PCDH9: variants seen among roughly 807,000 people sequenced by gnomAD.
PCDH9 encodes protocadherin 9.
Under a neutral mutation model 70.6 loss-of-function variants are expected in PCDH9, and 24 were observed. The observed-to-expected ratio is 0.34, with a 90% CI of 0.25 to 0.48. The LOEUF (loss-of-function observed/expected upper bound fraction) is 0.48, where lower values mean the gene tolerates loss of function less well. Among genes scored for constraint, PCDH9 ranks in the 20% least tolerant of loss-of-function variants. The probability of loss-of-function intolerance (pLI) is 0.99; values close to 1 mark genes in which losing one functional copy is unlikely to be tolerated. For synonymous variants in PCDH9, 562 were observed against 558.5 expected, an observed-to-expected ratio of 1.01 and a Z score of -0.09; for missense variants, 1,281 against 1,503.6, an observed-to-expected ratio of 0.85 and a Z score of 2.45.
intron 3 of PCDH9, among the ~76,000 whole-genome samples, chr13:66,728,977 A>C (rs2139169831): frequency 6.6e-6 from 1 of 151,954 alleles, no homozygotes; most frequent in Non-Finnish European, 1.5e-5. Context: ...TAATCACTTA[A>C]TTTTCATAAA....
At chr13:66,390,639 G>A (rs948754513) in intron 4 of PCDH9, among the ~76,000 whole-genome samples, 1 of 151,696 alleles carries the variant, frequency 6.6e-6, no homozygotes, top group African/African-American at 2.4e-5. Context: ...GGGAGGCTGA[G>A]TTAGGAGAAT....
At chr13:66,808,812 A>G (rs917537226) in intron 3 of PCDH9, among the ~76,000 whole-genome samples, 5 of 152,188 alleles carry the variant, frequency 3.3e-5, no homozygotes, top group Non-Finnish European at 7.3e-5. Context: ...GCTTATGAGT[A>G]ATGCAGTATT....
At chr13:66,331,299 A>G (rs775111759) in intron 4 of PCDH9, among the ~76,000 whole-genome samples, 32 of 152,296 alleles carry the variant, frequency 2.1e-4, no homozygotes, top group Non-Finnish European at 4.1e-4. Flanking sequence ...TGTTACTGGG[A>G]AAAATCCAGT....
At chr13:66,748,377 G>A (rs1594001125) in intron 3 of PCDH9, among the ~76,000 whole-genome samples, 2 of 152,258 alleles carry the variant, frequency 1.3e-5, no homozygotes, top group African/African-American at 4.8e-5. Context: ...GCAAATGAGT[G>A]TACAGTAGTT....
intron 4 of PCDH9, among the ~76,000 whole-genome samples, chr13:66,505,233 A>C (rs1959198961): frequency 6.6e-6 from 1 of 152,186 alleles, no homozygotes. Flanking sequence ...ACCGCTAATA[A>C]AGACATACAT....
intron 2 of PCDH9, chr13:67,213,220 A>AG (rs2089510224): frequency 9.2e-6 from 1 of 109,128 alleles, no homozygotes; most frequent in East Asian, 2.9e-4. Context: ...AAAAAAAAAA[A>AG]AAAAAAAAAA....
In PCDH9 at chr13:66,981,199, G is replaced by A. The variant is rs184051066; in HGVS notation, c.3037-77594C>T. Among the ~76,000 whole-genome samples the A allele has an allele frequency of 2.9e-3, 439 of 152,252 alleles. 1 individual carries two copies. The highest frequency in any genetic ancestry group is 9.5e-3 in the African/African-American group (396 of 41,568). ...CACGCCTGTAATCCCAGCACTTCGG[G>A]AGGCCCAGGCGGGCGGATCACGAGG... is the stretch of plus-strand genomic sequence containing the variant. On this transcript the variant is annotated intron_variant, in intron 2 of 4. Transcript: ENST00000377865.
chr13:66,897,595 T>C lies in PCDH9; in HGVS notation c.3138+5909A>G, dbSNP rs1322153500. Among the ~76,000 whole-genome samples, 6 of 152,120 alleles carry C rather than the reference T, an allele frequency of 3.9e-5. No individual in the cohort carries two copies. The East Asian group carries it at 1.2e-3, about 29-fold the overall frequency. ...AAAATTTTCTCAAGCATAAGTTCAATAGTCTGAAATAAACCAACATTCATG... is the reference window on the plus strand; with the variant it reads ...AAAATTTTCTCAAGCATAAGTTCAACAGTCTGAAATAAACCAACATTCATG... On this transcript the variant is annotated intron_variant, in intron 3 of 4. Transcript: ENST00000377865.
At position 66,451,614 on chromosome 13, in the gene PCDH9, C is replaced by T. The variant is rs545753377; in HGVS notation, c.3341-146586G>A. Among the ~76,000 whole-genome samples the T allele has an allele frequency of 3.9e-5, 6 of 152,248 alleles. No individual in the cohort carries two copies. In the East Asian group the frequency reaches 9.6e-4, roughly 24 times the overall value. On this transcript the variant is annotated intron_variant, in intron 4 of 4. Transcript: ENST00000377865. ...TTTTATATTCAAAACACTAGCACAT[C>T]CAAAAATTGTTTACAAATGAGGAAT...
At chr13:66,857,990 C>T (rs977665190) in intron 3 of PCDH9, among the ~76,000 whole-genome samples, 2 of 152,114 alleles carry the variant, frequency 1.3e-5, no homozygotes, top group Non-Finnish European at 2.9e-5. Context: ...CAGGAAGCAT[C>T]CCACTATCAA....
chr13:67,000,312 T>C (rs1387215726), intron 2 of PCDH9, among the ~76,000 whole-genome samples: 1 of 121,908 alleles, frequency 8.2e-6, no homozygotes, highest in Non-Finnish European at 1.6e-5. Flanking sequence ...AAGGGGAACA[T>C]CACACTCTGG....
intron 4 of PCDH9, 110 bp from the exon 5 acceptor site, chr13:66,305,138 T>C (rs770403716): frequency 1.7e-5 from 17 of 999,384 alleles, no homozygotes; most frequent in Non-Finnish European, 2.3e-5. Context: ...TTCATAAAAG[T>C]GTATCAAGTC....
At chr13:67,004,569 A>T (rs2084312768) in intron 2 of PCDH9, among the ~76,000 whole-genome samples, 1 of 88,082 alleles carries the variant, frequency 1.1e-5, no homozygotes, top group Admixed American at 1.2e-4. Context: ...AAAAAAAAAG[A>T]AAGAAAGAAA....
rs1208011745 is a variant in PCDH9 at position 66,700,917 on chromosome 13, CATATAAATATATATATATAT to C, written c.3139-69526_3139-69507del. Among the ~76,000 whole-genome samples the C allele has an allele frequency of 4.0e-3, 207 of 51,772 alleles. 9 individuals are homozygous for C. Among genetic ancestry groups the C allele is most frequent in the African/African-American group, 5.7e-3 (92 of 16,098 alleles). 34.0% of individuals were successfully genotyped at this position (51,772 alleles called of 152,430 possible). A position where few individuals can be genotyped will look rare whatever the true frequency, so the allele number is the denominator to read the frequency against. ...ATATATATGAAAATATATGTGTGTA[CATATAAATATATATATATAT>C]ATATATATATATATATATATATATA... On this transcript the variant is annotated intron_variant, in intron 3 of 4. Coordinates refer to ENST00000377865, the MANE Select transcript of PCDH9 (RefSeq NM_203487.3).
At chr13:66,611,365 G>C (rs990536707) in intron 4 of PCDH9, among the ~76,000 whole-genome samples, 5 of 152,092 alleles carry the variant, frequency 3.3e-5, no homozygotes, top group Non-Finnish European at 7.4e-5. Flanking sequence ...GTTTGTAAAG[G>C]TCTAAAATTC....
intron 4 of PCDH9, among the ~76,000 whole-genome samples, chr13:66,359,935 G>A (rs1490931210): frequency 6.6e-6 from 1 of 152,032 alleles, no homozygotes; most frequent in African/African-American, 2.4e-5. Flanking sequence ...ATGAGTTAGG[G>A]TGATGGTAGC....
intron 3 of PCDH9, among the ~76,000 whole-genome samples, chr13:66,647,069 G>A (rs1488279147): frequency 6.6e-6 from 1 of 152,134 alleles, no homozygotes; most frequent in African/African-American, 2.4e-5. Flanking sequence ...TTGCCACCAA[G>A]ACCTAAAGTG....
chr13:66,849,090 T>C (rs2081265379), intron 3 of PCDH9, among the ~76,000 whole-genome samples: 1 of 152,136 alleles, frequency 6.6e-6, no homozygotes, highest in Non-Finnish European at 1.5e-5. Flanking sequence ...GTAGCAACTT[T>C]TATCATCTAT....
chr13:66,630,027 T>C (rs1359095417), intron 4 of PCDH9, among the ~76,000 whole-genome samples: 1 of 152,178 alleles, frequency 6.6e-6, no homozygotes, highest in Non-Finnish European at 1.5e-5. Flanking sequence ...GATATTTTCA[T>C]GTTTGAAACA....
Sources: gnomAD v4.1 joint callset for allele counts (sites outside exome capture counted in the v4.1 genomes callset) on GRCh38, gnomAD v4.1.1 for gene constraint, MANE v1.5 for transcripts, NCBI Gene and HGNC (gene_info 2026-07-23, HGNC 2026-07-21) for gene names.